The following PTPRD variants were observed in gnomAD, a reference collection of about 807,000 sequenced individuals.
The protein encoded by PTPRD is receptor-type tyrosine-protein phosphatase delta.
A neutral mutation model predicts 214.5 loss-of-function variants in PTPRD; 34 were observed. The ratio of observed to expected loss-of-function variants is 0.16; its 90% CI spans 0.12 to 0.21. The LOEUF (loss-of-function observed/expected upper bound fraction) is 0.21, where lower values mean the gene tolerates loss of function less well. Among genes scored for constraint, PTPRD ranks in the 10% least tolerant of loss-of-function variants. PTPRD has a pLI of 1.00. For synonymous variants in PTPRD, 1,128 were observed against 845.7 expected (o/e 1.33, Z -5.79); for missense variants, 2,545 against 2,398.7 (o/e 1.06, Z -1.27).
intron 2 of PTPRD, among the ~76,000 whole-genome samples, chr9:10,580,062 T>C (rs2071159500): frequency 6.6e-6 from 1 of 152,208 alleles, no homozygotes; most frequent in Non-Finnish European, 1.5e-5. Context: ...TAACTCTTTG[T>C]TGTTCTAGCT....
chr9:8,930,354 T>C (rs2098943930), intron 11 of PTPRD, among the ~76,000 whole-genome samples: 2 of 152,088 alleles, frequency 1.3e-5, no homozygotes, highest in Non-Finnish European at 2.9e-5. Context: ...CTTAATCCAG[T>C]CTATCATTGT....
intron 9 of PTPRD, among the ~76,000 whole-genome samples, chr9:9,259,334 G>T (rs2099979085): frequency 6.6e-6 from 1 of 150,452 alleles, no homozygotes; most frequent in African/African-American, 2.4e-5. Flanking sequence ...CAAAAATACA[G>T]GGCAGACAGA....
chr9:9,911,089 T>C (rs777096868), intron 5 of PTPRD, among the ~76,000 whole-genome samples: 1 of 152,040 alleles, frequency 6.6e-6, no homozygotes, highest in East Asian at 1.9e-4. Flanking sequence ...AATCCTGGTA[T>C]TGCTCCTGTT....
At chr9:8,599,601 C>A (rs1391220972) in intron 14 of PTPRD, among the ~76,000 whole-genome samples, 5 of 106,618 alleles carry the variant, frequency 4.7e-5, no homozygotes, top group Admixed American at 4.4e-4. Context: ...CCCTTTCCCC[C>A]ACCCGCCCAC....
intron 8 of PTPRD, among the ~76,000 whole-genome samples, chr9:9,476,325 T>C (rs1007768441): frequency 6.6e-6 from 1 of 152,212 alleles, no homozygotes; most frequent in Non-Finnish European, 1.5e-5. Context: ...TTTTAAATTG[T>C]GAATTACATG....
At chr9:8,955,683 G>T (rs1485978218) in intron 11 of PTPRD, among the ~76,000 whole-genome samples, 1 of 151,512 alleles carries the variant, frequency 6.6e-6, no homozygotes, top group Non-Finnish European at 1.5e-5. Context: ...AAGGCAAAAA[G>T]AAGTCTTTAA....
intron 4 of PTPRD, among the ~76,000 whole-genome samples, chr9:10,028,688 T>C (rs1567179873): frequency 6.6e-6 from 1 of 152,094 alleles, no homozygotes; most frequent in Non-Finnish European, 1.5e-5. Flanking sequence ...AGGGGGATGA[T>C]TTAGGCTATC....
intron 5 of PTPRD, among the ~76,000 whole-genome samples, chr9:9,793,481 C>T (rs958477447): frequency 1.3e-5 from 2 of 151,960 alleles, no homozygotes; most frequent in African/African-American, 4.8e-5. Context: ...AGTAGATAGA[C>T]AAATGGATGG....
At chr9:9,376,542 G>C (rs1463904204) in intron 9 of PTPRD, among the ~76,000 whole-genome samples, 2 of 152,060 alleles carry the variant, frequency 1.3e-5, no homozygotes, top group Non-Finnish European at 2.9e-5. Flanking sequence ...TTTGGTGATA[G>C]GTATTTAATT....
At chr9:10,428,085 G>T (rs1371200464) in intron 2 of PTPRD, among the ~76,000 whole-genome samples, 1 of 151,962 alleles carries the variant, frequency 6.6e-6, no homozygotes, top group Non-Finnish European at 1.5e-5. Flanking sequence ...GGAGGCCAAG[G>T]CGGGAATACC....
At chr9:9,722,864 C>G (rs1170325363) in intron 7 of PTPRD, among the ~76,000 whole-genome samples, 2 of 152,022 alleles carry the variant, frequency 1.3e-5, no homozygotes, top group African/African-American at 2.4e-5. Flanking sequence ...GATTTCTATG[C>G]AAGTCATTTG....
At chr9:8,731,793 G>A (rs2098662171) in intron 12 of PTPRD, among the ~76,000 whole-genome samples, 2 of 152,168 alleles carry the variant, frequency 1.3e-5, no homozygotes, top group African/African-American at 4.8e-5. Context: ...GAATACACAT[G>A]CTATTCAAGA....
At chr9:8,719,504 C>G (rs2098469591) in intron 12 of PTPRD, among the ~76,000 whole-genome samples, 1 of 152,220 alleles carries the variant, frequency 6.6e-6, no homozygotes, top group African/African-American at 2.4e-5. Context: ...TCTCCACTTT[C>G]TCCTGTCTGA....
At chr9:8,548,466 C>T (rs138572088) in intron 14 of PTPRD, among the ~76,000 whole-genome samples, 104 of 152,158 alleles carry the variant, frequency 6.8e-4, no homozygotes, top group African/African-American at 2.5e-3. Context: ...CTCCCAGGTT[C>T]AAGCGATTCT....
At chr9:9,150,165 T>G (rs2099875413) in intron 10 of PTPRD, among the ~76,000 whole-genome samples, 1 of 152,096 alleles carries the variant, frequency 6.6e-6, no homozygotes, top group Admixed American at 6.6e-5. Context: ...TAAGAAATTA[T>G]TCTAACCATG....
chr9:8,562,599 G>C (rs923157372), intron 14 of PTPRD, among the ~76,000 whole-genome samples: 2 of 151,910 alleles, frequency 1.3e-5, no homozygotes, highest in African/African-American at 4.8e-5. Context: ...GCCACGCCTG[G>C]CTAATTTTTA....
intron 39 of PTPRD, among the ~76,000 whole-genome samples, chr9:8,373,615 GT>G (rs2082190859): frequency 1.0e-3 from 32 of 31,358 alleles, no homozygotes; most frequent in South Asian, 3.7e-3. Context: ...GGATGCGGGT[GT>G]GTGTGTGTGT....
intron 2 of PTPRD, among the ~76,000 whole-genome samples, chr9:10,485,287 C>T (rs1230457328): frequency 6.6e-6 from 1 of 152,026 alleles, no homozygotes; most frequent in Non-Finnish European, 1.5e-5. Context: ...GATTTAAAGT[C>T]AGGTATGTGA....
chr9:9,668,452 C>T (rs1249281490), intron 7 of PTPRD, among the ~76,000 whole-genome samples: 1 of 152,082 alleles, frequency 6.6e-6, no homozygotes, highest in African/African-American at 2.4e-5. Flanking sequence ...TTGTATTAAT[C>T]CTTAAATGCC....
Sources: allele counts gnomAD v4.1 joint callset (sites outside exome capture counted in the v4.1 genomes callset), GRCh38; gene constraint gnomAD v4.1.1; transcripts MANE v1.5; gene names NCBI Gene and HGNC (gene_info 2026-07-23, HGNC 2026-07-21).